BTBD8: variants seen among roughly 807,000 people sequenced by gnomAD.
BTBD8 encodes BTB domain containing 8, also known as BTB/POZ domain-containing protein 8.
Under a neutral mutation model 162.9 loss-of-function variants are expected in BTBD8, and 110 were observed. The ratio of observed to expected loss-of-function variants is 0.68; its 90% CI spans 0.58 to 0.79. The LOEUF is 0.79. Ranked by LOEUF, BTBD8 falls within the 30% of genes least tolerant of loss-of-function variation. The pLI is 0.00. For synonymous variants in BTBD8, 667 were observed against 716.1 expected, an observed-to-expected ratio of 0.93 and a Z score of 1.10; for missense variants, 1,905 against 2,085.4, an observed-to-expected ratio of 0.91 and a Z score of 1.68.
intron 5 of BTBD8, among the ~76,000 whole-genome samples, chr1:92,135,984 T>A (rs916771444): frequency 2.6e-5 from 4 of 152,208 alleles, no homozygotes; most frequent in Admixed American, 2.6e-4. Context: ...ACAGATAATA[T>A]GCTTAATTAT....
Position 92,113,392 on chromosome 1 carries a change from A to G in BTBD8, c.662+5391A>G, listed in dbSNP as rs72956848. ...TTAGGCTAAATGTATGTGAGAGAAC[A>G]TAGGGAGAAAGCCAGAGAAAACAGA... is the stretch of plus-strand genomic sequence containing the variant. On this transcript the variant is annotated intron_variant, in intron 4 of 17. Transcript: ENST00000636805. Among the ~76,000 whole-genome samples, 545 of 152,362 alleles carry G rather than the reference A, an allele frequency of 3.6e-3. 1 individual carries two copies. Among genetic ancestry groups the G allele is most frequent in the African/African-American group, 0.012 (496 of 41,588 alleles).
intron 2 of BTBD8, among the ~76,000 whole-genome samples, chr1:92,089,440 G>A (rs571681952): frequency 5.3e-5 from 8 of 152,214 alleles, no homozygotes; most frequent in African/African-American, 1.4e-4. Context: ...AAAATATAAC[G>A]TCATAACTGT....
chr1:92,085,459 G>C (rs986051947), intron 1 of BTBD8, among the ~76,000 whole-genome samples: 1 of 152,322 alleles, frequency 6.6e-6, no homozygotes, highest in South Asian at 2.1e-4. Flanking sequence ...TGGCATGGTG[G>C]TGCGCACCTG....
chr1:92,160,056 T>C (rs1650246239), intron 9 of BTBD8, among the ~76,000 whole-genome samples: 1 of 152,202 alleles, frequency 6.6e-6, no homozygotes, highest in East Asian at 1.9e-4. Context: ...AAACTTTCTT[T>C]ACTATTTTTC....
At chr1:92,180,061 A>G (rs1650838021) in intron 16 of BTBD8, among the ~76,000 whole-genome samples, 1 of 152,098 alleles carries the variant, frequency 6.6e-6, no homozygotes, top group Non-Finnish European at 1.5e-5. Flanking sequence ...TAGTCCCTCT[A>G]TATTTTTAAT....
chr1:92,106,345 A>T (rs1160612786), intron 3 of BTBD8, among the ~76,000 whole-genome samples: 1 of 152,128 alleles, frequency 6.6e-6, no homozygotes, highest in Non-Finnish European at 1.5e-5. Flanking sequence ...CATGACTATC[A>T]GGAGGCTAAT....
Position 92,080,514 on chromosome 1 carries a change from T to C in BTBD8, c.-58T>C, listed in dbSNP as rs1483479819. ...GTCGGAAACGCCCCCTTCTTCCTCC[T>C]GGGCGGGGCAAGTGAGGCCAAGTAC... On this transcript the variant is annotated 5_prime_UTR_variant, in exon 1 of 18. Coordinates refer to ENST00000636805, the MANE Select transcript of BTBD8 (RefSeq NM_001376131.1). The C allele has an allele frequency of 1.3e-6, 2 of 1,592,086 alleles. No homozygotes were observed. Among genetic ancestry groups the C allele is most frequent in the African/African-American group, 2.7e-5 (2 of 73,278 alleles).
chr1:92,150,012 G>C (rs1650009831), intron 9 of BTBD8, among the ~76,000 whole-genome samples: 1 of 152,138 alleles, frequency 6.6e-6, no homozygotes, highest in Non-Finnish European at 1.5e-5. Flanking sequence ...AGATACAAAG[G>C]CTGTTTAAGC....
At position 92,089,552 on chromosome 1, in the gene BTBD8, G is replaced by A. The variant is rs575875076; in HGVS notation, c.347+657G>A. On this transcript the variant is annotated intron_variant, in intron 2 of 17. Coordinates refer to ENST00000636805, the MANE Select transcript of BTBD8 (RefSeq NM_001376131.1). ...AATAGAAATGTATTGATCACAGTTC[G>A]GGAGCCTGGGAAGTCCAAGATCAAG... Among the ~76,000 whole-genome samples the A allele has an allele frequency of 4.6e-5, 7 of 152,200 alleles. No homozygotes were observed. The East Asian group carries it at 1.2e-3, about 25-fold the overall frequency.
At chr1:92,125,709 A>G in intron 4 of BTBD8, 1 of 425,666 alleles carries the variant, frequency 2.3e-6, no homozygotes, top group South Asian at 2.0e-5. Context: ...GTCTTTAGCC[A>G]AAGCCATTGA....
chr1:92,174,100 A>G (rs2100680916), intron 13 of BTBD8, among the ~76,000 whole-genome samples: 1 of 152,342 alleles, frequency 6.6e-6, no homozygotes, highest in South Asian at 2.1e-4. Context: ...ATGAAATAAA[A>G]TTGGAATTAA....
Position 92,181,549 on chromosome 1 carries a change from G to T in BTBD8, c.3866G>T (p.Gly1289Val). ...GSNDRGISKCGTMLCHDFLGR... is the reference protein window; with the variant it reads ...GSNDRGISKCVTMLCHDFLGR... ...AATGACAGAGGTATCTCTAAATGTGGCACTATGCTGTGCCATGATTTTCTT... is the reference window on the plus strand; with the variant it reads ...AATGACAGAGGTATCTCTAAATGTGTCACTATGCTGTGCCATGATTTTCTT... The change falls in exon 17 of 18, where the codon GGC (glycine) becomes GTC (valine). Residue 1289 changes from glycine to valine, a missense_variant. Coordinates refer to ENST00000636805, the MANE Select transcript of BTBD8 (RefSeq NM_001376131.1). 1 of 1,551,630 alleles carries T rather than the reference G, an allele frequency of 6.4e-7. No individual in the cohort carries two copies. The highest frequency in any genetic ancestry group is 8.7e-7 in the Non-Finnish European group (1 of 1,146,920).
chr1:92,183,955 A>C lies in BTBD8; in HGVS notation c.5004A>C (p.Val1668=), dbSNP rs1651002151. The change falls in exon 18 of 18, where the codon GTA becomes GTC. Residue 1668 remains valine (V), a synonymous_variant. Transcript: ENST00000636805. ...KTLSPIYEMD[V]IEAFEQKVES... The stretch of plus-strand genomic sequence containing the variant: ...TGTCTCCAATATATGAGATGGATGT[A>C]ATAGAAGCATTTGAGCAGAAAGTGG... 3.2e-6 allele frequency: 5 copies of C among 1,551,500 alleles called. No individual in the cohort carries two copies. Among genetic ancestry groups the C allele is most frequent in the Non-Finnish European group, 4.4e-6 (5 of 1,146,868 alleles).
In BTBD8 at chr1:92,147,072, A is replaced by G. The variant is rs146546517; in HGVS notation, c.931-108A>G. 6.4e-4 allele frequency: 417 copies of G among 653,872 alleles called. 7 individuals are homozygous for G. Among genetic ancestry groups the G allele is most frequent in the African/African-American group, 5.5e-3 (294 of 53,296 alleles). 40.5% of individuals were successfully genotyped at this position (653,872 alleles called of 1,614,324 possible). On this transcript the variant is annotated intron_variant, in intron 7 of 17. Coordinates refer to ENST00000636805, the MANE Select transcript of BTBD8 (RefSeq NM_001376131.1). ...TTGAATTTATCAAATTTTGAGTTGTATGTGTTCTGCAGTTTAGGTATATAA... is the reference window on the plus strand; with the variant it reads ...TTGAATTTATCAAATTTTGAGTTGTGTGTGTTCTGCAGTTTAGGTATATAA...
At chr1:92,151,404 CTG>C (rs1383690695) in intron 9 of BTBD8, among the ~76,000 whole-genome samples, 4 of 150,530 alleles carry the variant, frequency 2.7e-5, no homozygotes, top group African/African-American at 9.8e-5. Flanking sequence ...TAATGAAGGA[CTG>C]TGTTGTATTG....
intron 7 of BTBD8, among the ~76,000 whole-genome samples, chr1:92,146,868 A>G (rs1293517925): frequency 1.3e-5 from 2 of 152,096 alleles, no homozygotes; most frequent in South Asian, 2.1e-4. Context: ...AAAGGACAAC[A>G]TGGTTGCTTC....
chr1:92,162,240 T>A (rs1416611680), intron 9 of BTBD8, among the ~76,000 whole-genome samples: 3 of 152,202 alleles, frequency 2.0e-5, no homozygotes, highest in Non-Finnish European at 4.4e-5. Context: ...CACATACACA[T>A]CTTTCTCACT....
At position 92,122,282 on chromosome 1, in the gene BTBD8, C is replaced by T. The variant is rs575468852; in HGVS notation, c.663-7405C>T. ...TTATTATTATTTTTTTTTTTTGAGA[C>T]GGAGTCTTGCTCTGTCACCAGGCTG... On this transcript the variant is annotated intron_variant, in intron 4 of 17. Coordinates refer to ENST00000636805, the MANE Select transcript of BTBD8 (RefSeq NM_001376131.1). 4.0e-4 allele frequency among the ~76,000 whole-genome samples: 60 copies of T among 149,958 alleles called. No individual in the cohort carries two copies. The South Asian group carries it at 4.4e-3, about 11-fold the overall frequency.
At chr1:92,114,505 G>A (rs768090833) in intron 4 of BTBD8, among the ~76,000 whole-genome samples, 2 of 151,822 alleles carry the variant, frequency 1.3e-5, no homozygotes, top group East Asian at 1.9e-4. Flanking sequence ...TGCTTGCTTC[G>A]GCAGCACACA....
Sources: allele counts gnomAD v4.1 joint callset (sites outside exome capture counted in the v4.1 genomes callset), GRCh38; gene constraint gnomAD v4.1.1; transcripts MANE v1.5; gene names NCBI Gene and HGNC (gene_info 2026-07-23, HGNC 2026-07-21).